The following RTN3 variants were observed in gnomAD, a reference collection of about 807,000 sequenced individuals.
RTN3 encodes reticulon-3.
In RTN3, 49 loss-of-function variants were observed where a neutral mutation model predicts 77.8. The ratio of observed to expected loss-of-function variants is 0.63; its 90% CI spans 0.50 to 0.80. RTN3 has a LOEUF of 0.80. Ranked by LOEUF, RTN3 falls within the 30% of genes least tolerant of loss-of-function variation. The probability of loss-of-function intolerance (pLI) is 0.00; values close to 1 mark genes in which losing one functional copy is unlikely to be tolerated. For synonymous variants in RTN3, 464 were observed against 446.9 expected (o/e 1.04, Z -0.48); for missense variants, 1,236 against 1,211.9 (o/e 1.02, Z -0.29).
chr11:63,753,947 C>T (rs1462522173), intron 7 of RTN3, among the ~76,000 whole-genome samples: 3 of 152,140 alleles, frequency 2.0e-5, no homozygotes, highest in South Asian at 2.1e-4. Flanking sequence ...GTGTGCCTTT[C>T]GAGTTTTTAA....
rs1362940206 is a variant in RTN3, at chr11:63,706,043, G to T, written c.199+1136G>T. ...TTAAGAAGTCTTGTGCAAACAGTTT[G>T]TTGTTACAGGTGGAGTTCTCTAGCT... On this transcript the variant is annotated intron_variant, in intron 2 of 8. Coordinates refer to ENST00000377819, the MANE Select transcript of RTN3 (RefSeq NM_001265589.2). Among the ~76,000 whole-genome samples the T allele has an allele frequency of 2.0e-5, 3 of 152,180 alleles. 1 individual carries two copies. In the South Asian group the frequency reaches 6.2e-4, roughly 31 times the overall value.
At chr11:63,738,902 C>G (rs946738130) in intron 3 of RTN3, among the ~76,000 whole-genome samples, 1 of 152,124 alleles carries the variant, frequency 6.6e-6, no homozygotes. Context: ...GACTGATTTC[C>G]TTTTTCCTTA....
intron 2 of RTN3, among the ~76,000 whole-genome samples, chr11:63,710,124 AAAG>A (rs1474048044): frequency 2.0e-5 from 3 of 152,222 alleles, no homozygotes; most frequent in Non-Finnish European, 4.4e-5. Flanking sequence ...CTTTGGGGAA[AAAG>A]AAGCAGAATA....
chr11:63,758,125 T>G, intron 8 of RTN3, 31 bp from the exon 9 acceptor site: 1 of 1,457,976 alleles, frequency 6.9e-7, no homozygotes, highest in Non-Finnish European at 9.4e-7. Flanking sequence ...TGTTTTCACT[T>G]TCTTTCTTTT....
intron 3 of RTN3, among the ~76,000 whole-genome samples, chr11:63,722,658 A>G (rs868503959): frequency 7.9e-5 from 12 of 152,236 alleles, no homozygotes; most frequent in South Asian, 2.1e-4. Context: ...GATAGCTCTT[A>G]TACTCTAGCA....
chr11:63,684,625 A>G (rs1175438886), intron 1 of RTN3, among the ~76,000 whole-genome samples: 4 of 152,062 alleles, frequency 2.6e-5, no homozygotes, highest in African/African-American at 9.7e-5. Flanking sequence ...ATTTTATTAC[A>G]GAATTTGTAT....
chr11:63,758,649 T>TC lies in RTN3; in HGVS notation c.*450dup, dbSNP rs2014510024. 2 of 348,416 alleles carry TC rather than the reference T, an allele frequency of 5.7e-6. No homozygotes were observed. Among genetic ancestry groups the TC allele is most frequent in the African/African-American group, 4.2e-5 (2 of 47,522 alleles). The allele number at this position is 348,416 out of a possible 1,614,324, so 21.6% of individuals were successfully genotyped here. A position where few individuals can be genotyped will look rare whatever the true frequency, so the allele number is the denominator to read the frequency against. On this transcript the variant is annotated 3_prime_UTR_variant, in exon 9 of 9. Coordinates refer to ENST00000377819, the MANE Select transcript of RTN3 (RefSeq NM_001265589.2). The stretch of plus-strand genomic sequence containing the variant: ...ATTTGGGGACAGGAGTGTGATACCT[T>TC]CCTTGGTTTTTTTTTGCAGCCCTCA...
intron 3 of RTN3, among the ~76,000 whole-genome samples, chr11:63,738,687 C>G (rs1368729725): frequency 6.7e-6 from 1 of 150,344 alleles, no homozygotes; most frequent in Non-Finnish European, 1.5e-5. Context: ...CTTGAAATTT[C>G]TTTCACATTT....
intron 1 of RTN3, among the ~76,000 whole-genome samples, chr11:63,687,629 C>T (rs978425614): frequency 6.7e-5 from 10 of 150,132 alleles, no homozygotes; most frequent in African/African-American, 2.4e-4. Context: ...AAAAAGTGAA[C>T]ACATTTATAG....
chr11:63,749,905 GTGTGCTAATGT>G, intron 3 of RTN3, 75 bp from the exon 4 acceptor site: 1 of 932,878 alleles, frequency 1.1e-6, no homozygotes, highest in Non-Finnish European at 1.7e-6. Flanking sequence ...ACCTGTATTT[GTGTGCTAATGT>G]GAGGCTCCAC....
intron 2 of RTN3, among the ~76,000 whole-genome samples, chr11:63,708,354 G>C (rs1007746885): frequency 5.3e-5 from 8 of 151,906 alleles, no homozygotes; most frequent in African/African-American, 1.7e-4. Context: ...AAAAAAAATA[G>C]AGACAAGGTC....
At position 63,759,387 on chromosome 11, in the gene RTN3, T is replaced by C. The variant is rs1329156119; in HGVS notation, c.*1186T>C. ...CGAGTTTAAAGTAAGGGCTATGATA[T>C]TTGATGGTCCCAAAGTACGGCAGCT... On this transcript the variant is annotated 3_prime_UTR_variant, in exon 9 of 9. Transcript: ENST00000377819. 1.3e-5 allele frequency: 2 copies of C among 152,626 alleles called. No homozygotes were observed. The highest frequency in any genetic ancestry group is 4.8e-5 in the African/African-American group (2 of 41,442). 9.5% of individuals were successfully genotyped at this position (152,626 alleles called of 1,614,324 possible).
rs1329485280 is a variant in RTN3, at chr11:63,738,859, G to A, written c.2531-11132G>A. Among the ~76,000 whole-genome samples, 9 of 152,168 alleles carry A rather than the reference G, an allele frequency of 5.9e-5. No individual in the cohort carries two copies. The East Asian group carries it at 1.5e-3, about 26-fold the overall frequency. On this transcript the variant is annotated intron_variant, in intron 3 of 8. Transcript: ENST00000377819. The stretch of plus-strand genomic sequence containing the variant: ...AAATTAACGGGTGAGGAATCAGTAA[G>A]GTTTACTGCTGTTCCTCCTGGAAAT...
intron 3 of RTN3, among the ~76,000 whole-genome samples, chr11:63,725,057 A>G (rs1342497279): frequency 6.6e-6 from 1 of 152,056 alleles, no homozygotes; most frequent in African/African-American, 2.4e-5. Context: ...ACTTATGTTA[A>G]TTGTTAGCAT....
chr11:63,697,808 C>T (rs904161885), intron 1 of RTN3, among the ~76,000 whole-genome samples: 2 of 152,082 alleles, frequency 1.3e-5, no homozygotes, highest in African/African-American at 4.8e-5. Context: ...TATCTTCTAG[C>T]AATTTTGTGG....
intron 7 of RTN3, among the ~76,000 whole-genome samples, chr11:63,753,997 A>G (rs2014236014): frequency 6.6e-6 from 1 of 152,208 alleles, no homozygotes; most frequent in Non-Finnish European, 1.5e-5. Context: ...AATAAGTTGA[A>G]AAAATGCTTA....
At chr11:63,745,627 A>T (rs778571300) in intron 3 of RTN3, among the ~76,000 whole-genome samples, 38 of 152,200 alleles carry the variant, frequency 2.5e-4, no homozygotes, top group Admixed American at 2.4e-3. Context: ...ATCCCAGACC[A>T]TAATTCCACC....
chr11:63,739,454 A>G (rs1395105896), intron 3 of RTN3, among the ~76,000 whole-genome samples: 3 of 152,198 alleles, frequency 2.0e-5, no homozygotes, highest in South Asian at 2.1e-4. Flanking sequence ...GTTGTGTACT[A>G]GTGTGGCAGT....
chr11:63,724,652 C>A lies in RTN3; in HGVS notation c.2530+3620C>A, dbSNP rs184802005. Among the ~76,000 whole-genome samples, 259 of 151,944 alleles carry A rather than the reference C, an allele frequency of 1.7e-3. 2 individuals carry two copies. In the East Asian group the frequency reaches 0.038, roughly 22 times the overall value. On this transcript the variant is annotated intron_variant, in intron 3 of 8. Transcript: ENST00000377819. Reference sequence around the variant, plus strand: ...GATTACAGGTGCCTGCCACCACGCCCGGCTAATTTTTTGTATTATTAGTAA... The same window carrying A: ...GATTACAGGTGCCTGCCACCACGCCAGGCTAATTTTTTGTATTATTAGTAA...
Sources: allele counts gnomAD v4.1 joint callset (sites outside exome capture counted in the v4.1 genomes callset), GRCh38; gene constraint gnomAD v4.1.1; transcripts MANE v1.5; gene names NCBI Gene and HGNC (gene_info 2026-07-23, HGNC 2026-07-21).